Variants in CARMIL1 observed in about 807,000 individuals in gnomAD.
The protein encoded by CARMIL1 is F-actin-uncapping protein LRRC16A.
Under a neutral mutation model 177.1 loss-of-function variants are expected in CARMIL1, and 90 were observed. The observed-to-expected ratio is 0.51, with a 90% CI of 0.43 to 0.61. The LOEUF (loss-of-function observed/expected upper bound fraction) is 0.61. Among genes scored for constraint, CARMIL1 ranks in the 20% least tolerant of loss-of-function variants. The pLI is 0.00. For missense variants in CARMIL1, 1,380 were observed against 1,667.0 expected (o/e 0.83, Z 3.00); for synonymous variants, 577 against 606.2 (o/e 0.95, Z 0.71).
intron 18 of CARMIL1, 52 bp from the exon 19 acceptor site, chr6:25,510,455 A>T: frequency 9.0e-7 from 1 of 1,115,304 alleles, no homozygotes; most frequent in African/African-American, 1.6e-5. Flanking sequence ...CCAGCTGAAA[A>T]TTAATTTATA....
intron 2 of CARMIL1, among the ~76,000 whole-genome samples, chr6:25,366,358 A>T (rs752519495): frequency 2.0e-5 from 3 of 152,032 alleles, no homozygotes; most frequent in Non-Finnish European, 4.4e-5. Context: ...ATTTCCATGC[A>T]GTTTGGGGCA....
At chr6:25,547,401 C>A (rs1354660343) in intron 26 of CARMIL1, among the ~76,000 whole-genome samples, 1 of 152,040 alleles carries the variant, frequency 6.6e-6, no homozygotes, top group Non-Finnish European at 1.5e-5. Context: ...TGTTCTACTG[C>A]ATGTTAAGAC....
chr6:25,542,561 T>A (rs944710307), intron 26 of CARMIL1, among the ~76,000 whole-genome samples: 2 of 152,168 alleles, frequency 1.3e-5, no homozygotes, highest in African/African-American at 4.8e-5. Context: ...TCCCCACCTT[T>A]TCCTGTTCCC....
At chr6:25,324,526 A>G (rs1203992957) in intron 2 of CARMIL1, among the ~76,000 whole-genome samples, 1 of 152,140 alleles carries the variant, frequency 6.6e-6, no homozygotes, top group African/African-American at 2.4e-5. Context: ...AATCCTAAGA[A>G]TGTTGTTCAG....
chr6:25,466,206 C>T (rs1308851096), intron 9 of CARMIL1, among the ~76,000 whole-genome samples: 1 of 152,064 alleles, frequency 6.6e-6, no homozygotes, highest in African/African-American at 2.4e-5. Flanking sequence ...TTAGTGTAGC[C>T]TTTAGTATAA....
intron 26 of CARMIL1, among the ~76,000 whole-genome samples, chr6:25,547,191 A>G (rs989432991): frequency 2.0e-5 from 3 of 152,162 alleles, no homozygotes; most frequent in African/African-American, 7.2e-5. Context: ...AAATAAAAAT[A>G]TGTGTCATAT....
At chr6:25,511,499 T>C (rs1265538103) in intron 20 of CARMIL1, among the ~76,000 whole-genome samples, 1 of 152,192 alleles carries the variant, frequency 6.6e-6, no homozygotes, top group African/African-American at 2.4e-5. Context: ...GACTCAGCTT[T>C]TCCAGTTCCT....
At chr6:25,553,593 C>T (rs147289096) in intron 27 of CARMIL1, among the ~76,000 whole-genome samples, 17 of 152,286 alleles carry the variant, frequency 1.1e-4, no homozygotes, top group African/African-American at 3.8e-4. Flanking sequence ...GTGAGTGATA[C>T]GCATACTAAA....
At chr6:25,612,991 G>A (rs1451090643) in intron 36 of CARMIL1, 1 of 707,182 alleles carries the variant, frequency 1.4e-6, no homozygotes, top group Non-Finnish European at 1.7e-6. Flanking sequence ...CTGGGTCAGG[G>A]ATTAGTCATA....
intron 2 of CARMIL1, among the ~76,000 whole-genome samples, chr6:25,329,031 A>T (rs187817524): frequency 6.6e-6 from 1 of 152,190 alleles, no homozygotes; most frequent in Non-Finnish European, 1.5e-5. Context: ...ACAAAAGTTT[A>T]TAAGAATCAG....
At position 25,606,177 on chromosome 6, in the gene CARMIL1, A is replaced by G; in HGVS notation, c.3751A>G (p.Thr1251Ala). The change falls in exon 35 of 37, where the codon ACA becomes GCA. Residue 1251 changes from threonine (T) to alanine (A), a missense_variant. Thr to Ala is a moderately conservative substitution (Grantham distance 58, BLOSUM62 0). Transcript: ENST00000329474. Reference protein sequence around the residue: ...AGSRSRSSSSTPTSPKPLLQS... With the variant: ...AGSRSRSSSSAPTSPKPLLQS... The stretch of plus-strand genomic sequence containing the variant: ...CTCCAGGTCTCGGAGCTCATCCAGC[A>G]CACCTACGAGCCCGAAGCCCCTCCT... 6.2e-7 allele frequency: 1 copy of G among 1,613,972 alleles called. No homozygotes were observed. The highest frequency in any genetic ancestry group is 8.5e-7 in the Non-Finnish European group (1 of 1,179,890).
chr6:25,297,261 T>A (rs1782478384), intron 2 of CARMIL1, among the ~76,000 whole-genome samples: 1 of 152,262 alleles, frequency 6.6e-6, no homozygotes, highest in South Asian at 2.1e-4. Context: ...CAGAGTGACG[T>A]AGTCACATAT....
intron 20 of CARMIL1, among the ~76,000 whole-genome samples, chr6:25,513,600 C>G (rs1427284449): frequency 6.6e-6 from 1 of 152,154 alleles, no homozygotes; most frequent in African/African-American, 2.4e-5. Flanking sequence ...TTGAAACCAT[C>G]AACACCCTCA....
At chr6:25,451,629 C>T (rs763096249) in intron 8 of CARMIL1, among the ~76,000 whole-genome samples, 3 of 152,292 alleles carry the variant, frequency 2.0e-5, no homozygotes, top group Admixed American at 6.5e-5. Flanking sequence ...CTTAGCACAG[C>T]AGACCTGGCA....
At chr6:25,291,824 G>A (rs1034567869) in intron 2 of CARMIL1, among the ~76,000 whole-genome samples, 6 of 152,174 alleles carry the variant, frequency 3.9e-5, no homozygotes, top group Admixed American at 3.3e-4. Flanking sequence ...GCATGGAATA[G>A]AGAGACTCCC....
At chr6:25,492,099 C>T in intron 15 of CARMIL1, 75 bp downstream of exon 15, 2 of 1,264,430 alleles carry the variant, frequency 1.6e-6, no homozygotes. Flanking sequence ...ATAAGGAAAA[C>T]AGTGATAAAG....
chr6:25,283,647 C>A (rs2690054), intron 1 of CARMIL1, among the ~76,000 whole-genome samples: 1 of 152,062 alleles, frequency 6.6e-6, no homozygotes, highest in Non-Finnish European at 1.5e-5. Context: ...ATTGTGCTGT[C>A]ATGATTTTGG....
intron 2 of CARMIL1, among the ~76,000 whole-genome samples, chr6:25,414,399 C>T (rs539958522): frequency 6.6e-6 from 1 of 152,266 alleles, no homozygotes; most frequent in Non-Finnish European, 1.5e-5. Context: ...GCCTCCCATC[C>T]CAGGCACTGA....
chr6:25,413,136 C>A (rs1403145936), intron 2 of CARMIL1, among the ~76,000 whole-genome samples: 1 of 134,592 alleles, frequency 7.4e-6, no homozygotes, highest in Non-Finnish European at 1.7e-5. Flanking sequence ...CACCACCTGC[C>A]CTTCTCCCTC....
Sources: gnomAD v4.1 joint callset for allele counts (sites outside exome capture counted in the v4.1 genomes callset) on GRCh38, gnomAD v4.1.1 for gene constraint, MANE v1.5 for transcripts, NCBI Gene and HGNC (gene_info 2026-07-23, HGNC 2026-07-21) for gene names.